The following AKAP12 variants were observed in gnomAD, a reference collection of about 807,000 sequenced individuals.
The protein encoded by AKAP12 is A-kinase anchoring protein 12, also known as A-kinase anchor protein 12.
A neutral mutation model predicts 79.9 loss-of-function variants in AKAP12; 32 were observed. The observed-to-expected ratio is 0.40, with a 90% CI of 0.30 to 0.54. The LOEUF (loss-of-function observed/expected upper bound fraction) is 0.54. AKAP12 is among the 20% of genes least tolerant of loss of function. AKAP12 has a pLI of 0.48. For missense variants in AKAP12, 2,074 were observed against 2,177.0 expected, an observed-to-expected ratio of 0.95 and a Z score of 0.94; for synonymous variants, 808 against 857.0, an observed-to-expected ratio of 0.94 and a Z score of 1.00.
rs79559387 is a variant in AKAP12, at chr6:151,341,058, T to C, written c.320-7653T>C. Among the ~76,000 whole-genome samples, 5 of 41,918 alleles carry C rather than the reference T, an allele frequency of 1.2e-4. No homozygotes were observed. The African/African-American group carries it at 2.1e-3, about 18-fold the overall frequency. 27.5% of individuals were successfully genotyped at this position (41,918 alleles called of 152,430 possible). A position where few individuals can be genotyped will look rare whatever the true frequency, so the allele number is the denominator to read the frequency against. ...TGTTTGTTTTTGTTTCTTTTTTTTC[T>C]TTTTTTTTTTTTTGACACAGTCTTG... On this transcript the variant is annotated intron_variant, in intron 3 of 4. Transcript: ENST00000402676.
chr6:151,287,834 A>G (rs533509193), intron 2 of AKAP12, among the ~76,000 whole-genome samples: 2 of 152,310 alleles, frequency 1.3e-5, no homozygotes, highest in East Asian at 3.9e-4. Context: ...TCAATGATAG[A>G]CTGGATAAAG....
At chr6:151,263,036 CG>C (rs938219080) in intron 2 of AKAP12, among the ~76,000 whole-genome samples, 2 of 151,896 alleles carry the variant, frequency 1.3e-5, no homozygotes, top group African/African-American at 4.8e-5. Context: ...CTTTCCTTTT[CG>C]GGGGTTATTT....
At chr6:151,300,640 C>T (rs1339329669) in intron 2 of AKAP12, among the ~76,000 whole-genome samples, 2 of 152,006 alleles carry the variant, frequency 1.3e-5, no homozygotes, top group Admixed American at 6.6e-5. Context: ...GCCTTGGCTA[C>T]CACTTGGACA....
At chr6:151,301,501 C>T (rs371552771) in intron 2 of AKAP12, among the ~76,000 whole-genome samples, 21 of 152,232 alleles carry the variant, frequency 1.4e-4, no homozygotes, top group East Asian at 7.7e-4. Flanking sequence ...TTTTTAACAA[C>T]GGTATGACTT....
intron 3 of AKAP12, among the ~76,000 whole-genome samples, chr6:151,328,403 C>A (rs946706540): frequency 4.7e-5 from 7 of 150,030 alleles, no homozygotes; most frequent in African/African-American, 1.7e-4. Flanking sequence ...CTTTGGGAGG[C>A]GGAGGCGGGC....
At chr6:151,241,741 A>G (rs1290521829) in intron 2 of AKAP12, among the ~76,000 whole-genome samples, 1 of 150,564 alleles carries the variant, frequency 6.6e-6, no homozygotes, top group African/African-American at 2.4e-5. Flanking sequence ...GTGGATAACC[A>G]TGTTTAATAG....
At chr6:151,268,958 T>TTTG (rs1562714374) in intron 2 of AKAP12, among the ~76,000 whole-genome samples, 1 of 125,830 alleles carries the variant, frequency 7.9e-6, no homozygotes, top group East Asian at 2.1e-4. Flanking sequence ...TTTTTTTTTT[T>TTTG]TTTTTTTTTT....
chr6:151,343,954 G>A (rs1778015850), intron 3 of AKAP12: 1 of 458,380 alleles, frequency 2.2e-6, no homozygotes, highest in Admixed American at 3.0e-5. Flanking sequence ...ATAATGGGAA[G>A]AGTGTATATA....
intron 2 of AKAP12, among the ~76,000 whole-genome samples, chr6:151,292,477 C>T (rs1776642674): frequency 6.6e-6 from 1 of 152,302 alleles, no homozygotes; most frequent in Non-Finnish European, 1.5e-5. Flanking sequence ...CCCTCCCACC[C>T]CTGTTGGTAC....
chr6:151,251,965 T>G (rs184564506), intron 2 of AKAP12, among the ~76,000 whole-genome samples: 3 of 152,156 alleles, frequency 2.0e-5, no homozygotes, highest in Middle Eastern at 3.4e-3. Context: ...CTGCTGCACT[T>G]CAGCCCGGGC....
chr6:151,289,849 G>T (rs1776576889), intron 2 of AKAP12, among the ~76,000 whole-genome samples: 2 of 152,278 alleles, frequency 1.3e-5, no homozygotes, highest in East Asian at 1.9e-4. Flanking sequence ...TTTTAGCTTG[G>T]CTCTTAGCTC....
At chr6:151,258,062 T>C (rs1041949127) in intron 2 of AKAP12, among the ~76,000 whole-genome samples, 2 of 152,240 alleles carry the variant, frequency 1.3e-5, no homozygotes, top group South Asian at 2.1e-4. Context: ...AAGCCACTTA[T>C]GCCTACAAAC....
At chr6:151,279,492 AT>A (rs1277467298) in intron 2 of AKAP12, among the ~76,000 whole-genome samples, 1 of 152,098 alleles carries the variant, frequency 6.6e-6, no homozygotes, top group East Asian at 1.9e-4. Context: ...TTAGGAAAAA[AT>A]GTACAGCAGT....
At chr6:151,310,938 C>T (rs1245900982) in intron 3 of AKAP12, among the ~76,000 whole-genome samples, 1 of 152,160 alleles carries the variant, frequency 6.6e-6, no homozygotes, top group African/African-American at 2.4e-5. Context: ...TTTCTGTGAG[C>T]AAACAGACAA....
intron 3 of AKAP12, among the ~76,000 whole-genome samples, chr6:151,333,488 C>T (rs968273271): frequency 2.0e-5 from 3 of 152,186 alleles, no homozygotes; most frequent in African/African-American, 7.2e-5. Context: ...CAGTGGCTCA[C>T]GCCTGTAATC....
intron 2 of AKAP12, among the ~76,000 whole-genome samples, chr6:151,297,966 G>T (rs1475489052): frequency 6.6e-6 from 1 of 152,108 alleles, no homozygotes; most frequent in African/African-American, 2.4e-5. Context: ...TTTAGAAAGA[G>T]AATTTCCCCC....
At chr6:151,294,288 T>C (rs1254721138) in intron 2 of AKAP12, among the ~76,000 whole-genome samples, 1 of 152,118 alleles carries the variant, frequency 6.6e-6, no homozygotes, top group Non-Finnish European at 1.5e-5. Context: ...TCTTTCCTGA[T>C]TCTATGAGGC....
chr6:151,305,470 G>A (rs1048901443), intron 2 of AKAP12, among the ~76,000 whole-genome samples: 1 of 152,096 alleles, frequency 6.6e-6, no homozygotes, highest in African/African-American at 2.4e-5. Flanking sequence ...TTTGAAATAG[G>A]TCTGGAAAGG....
At chr6:151,342,265 G>A (rs1345491789) in intron 3 of AKAP12, among the ~76,000 whole-genome samples, 3 of 152,264 alleles carry the variant, frequency 2.0e-5, no homozygotes, top group African/African-American at 7.2e-5. Flanking sequence ...GCCCAGTGAT[G>A]GGGCAGGCTG....
Sources: gnomAD v4.1 joint callset for allele counts (sites outside exome capture counted in the v4.1 genomes callset) on GRCh38, gnomAD v4.1.1 for gene constraint, MANE v1.5 for transcripts, NCBI Gene and HGNC (gene_info 2026-07-23, HGNC 2026-07-21) for gene names.